Variants in TRPM3 observed in about 807,000 individuals in gnomAD.
The protein encoded by TRPM3 is long transient receptor potential channel 3.
Under a neutral mutation model 181.2 loss-of-function variants are expected in TRPM3, and 77 were observed. That is an observed-to-expected ratio of 0.42 (90% CI 0.35 to 0.51). The LOEUF is 0.51. Ranked by LOEUF, TRPM3 falls within the 20% of genes least tolerant of loss-of-function variation. The probability of loss-of-function intolerance (pLI) is 0.01; values close to 1 mark genes in which losing one functional copy is unlikely to be tolerated. For synonymous variants in TRPM3, 745 were observed against 796.4 expected, an observed-to-expected ratio of 0.94 and a Z score of 1.09; for missense variants, 1,759 against 2,196.7, an observed-to-expected ratio of 0.80 and a Z score of 3.98.
intron 1 of TRPM3, among the ~76,000 whole-genome samples, chr9:71,343,071 T>C (rs2091066881): frequency 6.6e-6 from 1 of 152,002 alleles, no homozygotes; most frequent in South Asian, 2.1e-4. Context: ...GAGAATTATA[T>C]AGGTTTTCTA....
At chr9:71,032,901 T>TGGAC (rs2134716431) in intron 1 of TRPM3, among the ~76,000 whole-genome samples, 1 of 152,362 alleles carries the variant, frequency 6.6e-6, no homozygotes, top group South Asian at 2.1e-4. Context: ...TATTATTTCC[T>TGGAC]GGACTCCATT....
chr9:71,282,665 A>C (rs2084942019), intron 1 of TRPM3, among the ~76,000 whole-genome samples: 1 of 152,208 alleles, frequency 6.6e-6, no homozygotes, highest in African/African-American at 2.4e-5. Flanking sequence ...TTTCTTGTTT[A>C]AGACTCACCA....
At chr9:71,138,988 G>A (rs10868960) in intron 1 of TRPM3, among the ~76,000 whole-genome samples, 48,225 of 151,878 alleles carry the variant, frequency 0.32, 8,877 homozygotes, top group Middle Eastern at 0.47. Flanking sequence ...ATTTAAAGGG[G>A]TCTCTTAATT....
intron 1 of TRPM3, among the ~76,000 whole-genome samples, chr9:71,418,045 A>AT (rs35175360): frequency 0.44 from 66,864 of 151,604 alleles, 14,955 homozygotes; most frequent in South Asian, 0.52. Flanking sequence ...ATTGAAAATC[A>AT]TTTTTTTAAA....
chr9:70,698,331 T>C (rs1159346267), intron 8 of TRPM3, among the ~76,000 whole-genome samples: 1 of 152,198 alleles, frequency 6.6e-6, no homozygotes, highest in Non-Finnish European at 1.5e-5. Flanking sequence ...TATGTGAGTT[T>C]CCGTCCTGTC....
intron 9 of TRPM3, among the ~76,000 whole-genome samples, chr9:70,678,404 G>C (rs2064580566): frequency 5.3e-5 from 8 of 152,078 alleles, no homozygotes; most frequent in Admixed American, 5.2e-4. Flanking sequence ...AAGTGTTGCT[G>C]TTACAGGCAT....
At chr9:70,774,277 A>T (rs555346230) in intron 7 of TRPM3, 1 of 153,692 alleles carries the variant, frequency 6.5e-6, no homozygotes, top group Non-Finnish European at 1.5e-5. Flanking sequence ...ATTCAATATG[A>T]AAACGACAAT....
At chr9:71,299,660 T>C (rs981534146) in intron 1 of TRPM3, among the ~76,000 whole-genome samples, 10 of 152,114 alleles carry the variant, frequency 6.6e-5, no homozygotes, top group African/African-American at 2.4e-4. Context: ...GAAATGTGTC[T>C]CTCAGTTCTC....
At chr9:71,369,295 G>T (rs1204213083) in intron 1 of TRPM3, among the ~76,000 whole-genome samples, 3 of 152,120 alleles carry the variant, frequency 2.0e-5, no homozygotes, top group Non-Finnish European at 4.4e-5. Context: ...TGGAATACTA[G>T]AAGTTTTTAA....
chr9:71,324,516 T>C (rs2089503653), intron 1 of TRPM3, among the ~76,000 whole-genome samples: 1 of 151,806 alleles, frequency 6.6e-6, no homozygotes, highest in Non-Finnish European at 1.5e-5. Context: ...ACACTGTTGA[T>C]GGGAATGTGA....
At chr9:71,378,780 T>C (rs2092724045) in intron 1 of TRPM3, among the ~76,000 whole-genome samples, 1 of 152,106 alleles carries the variant, frequency 6.6e-6, no homozygotes, top group African/African-American at 2.4e-5. Flanking sequence ...TACTTGCTAA[T>C]TAAAATATAA....
chr9:71,041,029 T>C (rs2058752216), intron 1 of TRPM3, among the ~76,000 whole-genome samples: 1 of 152,184 alleles, frequency 6.6e-6, no homozygotes, highest in African/African-American at 2.4e-5. Context: ...TTTGGGATGA[T>C]GGCAAAATCT....
intron 1 of TRPM3, among the ~76,000 whole-genome samples, chr9:70,928,167 G>T (rs570033628): frequency 6.6e-6 from 1 of 152,338 alleles, no homozygotes; most frequent in East Asian, 1.9e-4. Context: ...GACTTATGAA[G>T]TGGGTGACAT....
intron 1 of TRPM3, among the ~76,000 whole-genome samples, chr9:71,318,126 G>A (rs1227107545): frequency 6.6e-6 from 1 of 151,996 alleles, no homozygotes; most frequent in African/African-American, 2.4e-5. Context: ...AAAAAATAAA[G>A]CTTTGTAAGT....
In TRPM3 at chr9:70,565,081, G is replaced by A. The variant is rs80072740; in HGVS notation, c.3224-11771C>T. 6.6e-3 allele frequency among the ~76,000 whole-genome samples: 999 copies of A among 152,230 alleles called. 29 individuals are homozygous for A. The East Asian group carries it at 0.098, about 15-fold the overall frequency. On this transcript the variant is annotated intron_variant, in intron 22 of 25. Coordinates refer to ENST00000677713, the MANE Select transcript of TRPM3 (RefSeq NM_001366145.2). ...CCAGACAATAGGCAGTCCACATTCC[G>A]CTTAGAATCTAAGCAGCTGTTGGCT...
intron 1 of TRPM3, among the ~76,000 whole-genome samples, chr9:71,298,495 G>T (rs1445726486): frequency 6.6e-6 from 1 of 150,752 alleles, no homozygotes; most frequent in Admixed American, 6.6e-5. Context: ...CATATATGAA[G>T]ATATAAAAAT....
chr9:71,337,485 A>C (rs1333962010), intron 1 of TRPM3, among the ~76,000 whole-genome samples: 1 of 152,216 alleles, frequency 6.6e-6, no homozygotes, highest in Non-Finnish European at 1.5e-5. Flanking sequence ...GTGGGAGTGT[A>C]AACTAGTTCA....
At chr9:70,952,409 A>C (rs1280740928) in intron 1 of TRPM3, among the ~76,000 whole-genome samples, 1 of 152,204 alleles carries the variant, frequency 6.6e-6, no homozygotes, top group African/African-American at 2.4e-5. Flanking sequence ...ACATAAGCAG[A>C]AGACTTCTTA....
intron 1 of TRPM3, among the ~76,000 whole-genome samples, chr9:71,159,105 T>TTAGAG (rs1554836762): frequency 1.9e-4 from 28 of 144,080 alleles, no homozygotes; most frequent in African/African-American, 4.4e-4. Flanking sequence ...TATATATATT[T>TTAGAG]AGAGAGAGAG....
Sources: allele counts gnomAD v4.1 joint callset (sites outside exome capture counted in the v4.1 genomes callset), GRCh38; gene constraint gnomAD v4.1.1; transcripts MANE v1.5; gene names NCBI Gene and HGNC (gene_info 2026-07-23, HGNC 2026-07-21).